The following TNR variants were observed in gnomAD, a reference collection of about 807,000 sequenced individuals.
TNR encodes the protein tenascin R, also known as tenascin-R.
In TNR, 45 loss-of-function variants were observed where a neutral mutation model predicts 150.4. The observed-to-expected ratio is 0.30, with a 90% CI of 0.24 to 0.38. TNR has a LOEUF of 0.38. Among genes scored for constraint, TNR ranks in the 10% least tolerant of loss-of-function variants. TNR has a pLI of 1.00. For synonymous variants in TNR, 687 were observed against 678.4 expected (o/e 1.01, Z -0.20); for missense variants, 1,544 against 1,759.1 (o/e 0.88, Z 2.19).
chr1:175,617,937 G>A (rs1663834650), intron 1 of TNR, among the ~76,000 whole-genome samples: 1 of 152,170 alleles, frequency 6.6e-6, no homozygotes. Context: ...AGATCATGCG[G>A]CCAGTAAATA....
In TNR at chr1:175,333,792, G is replaced by T. The variant is rs187162323; in HGVS notation, c.3631+1919C>A. On this transcript the variant is annotated intron_variant, in intron 20 of 22. Coordinates refer to ENST00000367674, the MANE Select transcript of TNR (RefSeq NM_003285.3). ...GGCCACTTCTCCCACAGGCAATAGG[G>T]GAGAAAACTGGTGAGGACTGGCTCT... is the stretch of plus-strand genomic sequence containing the variant. Among the ~76,000 whole-genome samples the T allele has an allele frequency of 4.1e-3, 621 of 152,320 alleles. 2 individuals carry two copies. Among genetic ancestry groups the T allele is most frequent in the Non-Finnish European group, 6.1e-3 (414 of 68,022 alleles).
chr1:175,458,884 C>T (rs922429329), intron 2 of TNR, among the ~76,000 whole-genome samples: 1 of 152,090 alleles, frequency 6.6e-6, no homozygotes, highest in Non-Finnish European at 1.5e-5. Flanking sequence ...TCACCATGTC[C>T]ACTGTCCTCC....
intron 2 of TNR, among the ~76,000 whole-genome samples, chr1:175,413,704 G>A (rs1046569491): frequency 2.0e-5 from 3 of 152,172 alleles, no homozygotes; most frequent in Admixed American, 2.0e-4. Context: ...AGGATGCCAT[G>A]GTCTGAATGT....
chr1:175,552,534 TAG>T (rs1660986771), intron 1 of TNR, among the ~76,000 whole-genome samples: 1 of 152,200 alleles, frequency 6.6e-6, no homozygotes, highest in East Asian at 1.9e-4. Flanking sequence ...CTGGAACTCT[TAG>T]AGGCTGATTG....
intron 1 of TNR, among the ~76,000 whole-genome samples, chr1:175,625,088 T>C (rs1467327250): frequency 6.6e-6 from 1 of 152,202 alleles, no homozygotes; most frequent in Non-Finnish European, 1.5e-5. Context: ...TTAAGAACTC[T>C]AGGGAAGAAG....
intron 1 of TNR, among the ~76,000 whole-genome samples, chr1:175,558,386 T>C (rs1184071212): frequency 6.6e-6 from 1 of 152,246 alleles, no homozygotes; most frequent in East Asian, 1.9e-4. Flanking sequence ...ATAATGTATA[T>C]GCTTCATTGA....
intron 11 of TNR, among the ~76,000 whole-genome samples, 158 bp from the exon 12 acceptor site, chr1:175,365,437 G>C (rs1228895923): frequency 6.6e-6 from 1 of 152,140 alleles, no homozygotes; most frequent in Non-Finnish European, 1.5e-5. Flanking sequence ...CTCCAGTGCT[G>C]TTCACTCCAC....
chr1:175,386,113 G>T lies in TNR; in HGVS notation c.1696C>A (p.Pro566Thr). Residue 566 changes from proline (P) to threonine (T), a missense_variant, in exon 8 of 23, where the codon CCT (proline) becomes ACT (threonine). Physicochemically the swap from Pro to Thr is conservative, Grantham distance 38. Coordinates refer to ENST00000367674, the MANE Select transcript of TNR (RefSeq NM_003285.3). Reference sequence around the variant, plus strand: ...ACTGACACCTCGTATCGGGAGCCAGGCCGCAGGGCCTGCACTGAGTATTGG... The same window carrying T: ...ACTGACACCTCGTATCGGGAGCCAGTCCGCAGGGCCTGCACTGAGTATTGG... ...LSQYSVQALR[P>T]GSRYEVSVSA... 1 of 1,612,894 alleles carries T rather than the reference G, an allele frequency of 6.2e-7. No homozygotes were observed. The highest frequency in any genetic ancestry group is 8.5e-7 in the Non-Finnish European group (1 of 1,179,050).
rs755471029 is a variant in TNR at position 175,362,715 on chromosome 1, G to A, written c.2802C>T (p.Asn934=). Residue 934 remains asparagine (N), a synonymous_variant, in exon 14 of 23, where the codon AAC becomes AAT. Transcript: ENST00000367674. Reference sequence around the variant, plus strand: ...CGCTTTCCTCCCTGCCCCGCACGCTGTTGAGGCTGATTTCGTATTCGGTAG... The same window carrying A: ...CGCTTTCCTCCCTGCCCCGCACGCTATTGAGGCTGATTTCGTATTCGGTAG... ...NPATEYEISL[N]SVRGREESER... is the part of the protein sequence containing the mutation. 21 of 1,614,126 alleles carry A rather than the reference G, an allele frequency of 1.3e-5. No individual in the cohort carries two copies. In the South Asian group the frequency reaches 2.0e-4, roughly 15 times the overall value.
At chr1:175,740,069 A>G (rs1667882084) in intron 1 of TNR, among the ~76,000 whole-genome samples, 4 of 152,190 alleles carry the variant, frequency 2.6e-5, no homozygotes, top group Admixed American at 2.0e-4. Flanking sequence ...TTCTAACACC[A>G]TGACCTCAAG....
chr1:175,497,193 A>G (rs1411974724), intron 2 of TNR, among the ~76,000 whole-genome samples: 1 of 152,152 alleles, frequency 6.6e-6, no homozygotes, highest in Admixed American at 6.6e-5. Flanking sequence ...CAGAACGCAT[A>G]CTTTGCGGCC....
intron 1 of TNR, among the ~76,000 whole-genome samples, chr1:175,568,671 C>A (rs1249333486): frequency 3.9e-5 from 6 of 152,176 alleles, no homozygotes; most frequent in Non-Finnish European, 8.8e-5. Flanking sequence ...TGGAGCCCTG[C>A]AAGTCACTTC....
intron 12 of TNR, 105 bp from the exon 13 acceptor site, chr1:175,363,932 G>A (rs1338313224): frequency 1.4e-6 from 2 of 1,393,128 alleles, no homozygotes; most frequent in African/African-American, 1.4e-5. Flanking sequence ...TGTCCCAAAG[G>A]CAGACAAGAT....
At chr1:175,659,930 C>T (rs1472675775) in intron 1 of TNR, among the ~76,000 whole-genome samples, 1 of 130,832 alleles carries the variant, frequency 7.6e-6, no homozygotes, top group South Asian at 2.6e-4. Flanking sequence ...TTCATCGCTG[C>T]TCTTAATTTT....
intron 9 of TNR, among the ~76,000 whole-genome samples, chr1:175,371,911 A>C (rs1571350913): frequency 6.6e-6 from 1 of 152,314 alleles, no homozygotes; most frequent in East Asian, 1.9e-4. Context: ...GGTACCTGTT[A>C]TAGTTTGGAT....
rs551588483 is a variant in TNR at position 175,366,042 on chromosome 1, C to T, written c.2150G>A (p.Arg717Gln). The T allele has an allele frequency of 3.4e-5, 55 of 1,614,010 alleles. No individual in the cohort carries two copies. The highest frequency in any genetic ancestry group is 2.5e-4 in the South Asian group (23 of 91,046). The change falls in exon 11 of 23, where the codon CGA becomes CAA. Residue 717 changes from arginine to glutamine, a missense_variant. Transcript: ENST00000367674. Reference sequence around the variant, plus strand: ...CCCAGAGGATGGGGTAAAGGTAATTCGGTAGTGGTCAATGGGGCCACTGGC... The same window carrying T: ...CCCAGAGGATGGGGTAAAGGTAATTTGGTAGTGGTCAATGGGGCCACTGGC... The part of the protein sequence containing the change: ...TKASGPIDHY[R>Q]ITFTPSSGIA...
chr1:175,463,713 G>A (rs1038847048), intron 2 of TNR, among the ~76,000 whole-genome samples: 3 of 152,176 alleles, frequency 2.0e-5, no homozygotes, highest in South Asian at 2.1e-4. Context: ...TATTTGCAAG[G>A]GAGAACAGAG....
At chr1:175,719,782 G>C (rs944634491) in intron 1 of TNR, among the ~76,000 whole-genome samples, 4 of 152,144 alleles carry the variant, frequency 2.6e-5, no homozygotes, top group African/African-American at 9.7e-5. Context: ...CCTACCTGCT[G>C]TCCCTTCCCT....
chr1:175,594,584 G>A (rs1662931015), intron 1 of TNR, among the ~76,000 whole-genome samples: 2 of 152,166 alleles, frequency 1.3e-5, no homozygotes, highest in African/African-American at 4.8e-5. Context: ...CCCAGGCACA[G>A]TGGTTCATGC....
Sources: gnomAD v4.1 joint callset for allele counts (sites outside exome capture counted in the v4.1 genomes callset) on GRCh38, gnomAD v4.1.1 for gene constraint, MANE v1.5 for transcripts, NCBI Gene and HGNC (gene_info 2026-07-23, HGNC 2026-07-21) for gene names.